The following BRME1 variants were observed in gnomAD, a reference collection of about 807,000 sequenced individuals.
BRME1 encodes BRCA2 and MEILB2-associating protein 1.
A neutral mutation model predicts 52.6 loss-of-function variants in BRME1; 31 were observed. That is an observed-to-expected ratio of 0.59 (90% CI 0.44 to 0.80). The LOEUF (loss-of-function observed/expected upper bound fraction) is 0.80, where lower values mean the gene tolerates loss of function less well. Ranked by LOEUF, BRME1 falls within the 30% of genes least tolerant of loss-of-function variation. The pLI, the probability that BRME1 is intolerant of heterozygous loss-of-function variation, is 0.00. For missense variants in BRME1, 804 were observed against 860.3 expected, an observed-to-expected ratio of 0.93 and a Z score of 0.82; for synonymous variants, 359 against 353.6, an observed-to-expected ratio of 1.02 and a Z score of -0.17.
rs533669161 is a variant in BRME1, at chr19:13,883,451, A to G, written c.1764-51T>C. On this transcript the variant is annotated intron_variant, in intron 7 of 8. Coordinates refer to ENST00000586783, the MANE Select transcript of BRME1 (RefSeq NM_001345843.2). The surrounding 1 kb of genome is among the most constrained non-coding windows in gnomAD (Gnocchi z 4.2). Reference sequence around the variant, plus strand: ...AGTGGCCCGACCTCACTGGACTACCAGAGCTCTCCAGTGGGAGGGGCTTCC... The same window carrying G: ...AGTGGCCCGACCTCACTGGACTACCGGAGCTCTCCAGTGGGAGGGGCTTCC... The G allele has an allele frequency of 1.3e-5, 18 of 1,349,008 alleles. No homozygotes were observed. The East Asian group carries it at 3.3e-4, about 25-fold the overall frequency. The allele number at this position is 1,349,008 out of a possible 1,614,324, so 83.6% of individuals were successfully genotyped here.
Position 13,889,753 on chromosome 19 carries a change from G to A in BRME1, c.1103C>T (p.Pro368Leu), listed in dbSNP as rs1418804555. 2 of 1,610,146 alleles carry A rather than the reference G, an allele frequency of 1.2e-6. No homozygotes were observed. The highest frequency in any genetic ancestry group is 4.5e-5 in the East Asian group (2 of 44,866). ...AGCGGCCTTCCTCCTGGGAGAGGCA[G>A]GTGATATGGCACTGGCCTGCCCATC... ...GPDGQASAISPASPRRKAADG... is the reference protein window; with the variant it reads ...GPDGQASAISLASPRRKAADG... The change falls in exon 6 of 9, where the codon CCT (proline) becomes CTT (leucine). Residue 368 changes from proline (P) to leucine (L), a missense_variant. Pro to Leu is a moderately conservative substitution (Grantham distance 98, BLOSUM62 -3). Around this residue, in one of 3 missense-constraint regions of BRME1, gnomAD observed 552 missense variants for 561.1 expected, o/e 0.98. Transcript: ENST00000586783.
chr19:13,889,600 A>C lies in BRME1; in HGVS notation c.1256T>G (p.Leu419Arg), dbSNP rs1234230330. ...CTCTCCGCTCCCAGGTGCCAGAGCCAGGGAGGCTGTAGGGCCCACTAGGAC... is the reference window on the plus strand; with the variant it reads ...CTCTCCGCTCCCAGGTGCCAGAGCCCGGGAGGCTGTAGGGCCCACTAGGAC... Reference protein sequence around the residue: ...GDVLVGPTASLALAPGSGESM... With the variant: ...GDVLVGPTASRALAPGSGESM... Residue 419 changes from leucine (L) to arginine (R), a missense_variant, in exon 6 of 9, where the codon CTG (leucine) becomes CGG (arginine). By Grantham distance (102) the Leu-to-Arg change is moderately radical (BLOSUM62 -2). Coordinates refer to ENST00000586783, the MANE Select transcript of BRME1 (RefSeq NM_001345843.2). 6.2e-7 allele frequency: 1 copy of C among 1,611,286 alleles called. No homozygotes were observed. Among genetic ancestry groups the C allele is most frequent in the East Asian group, 2.2e-5 (1 of 44,838 alleles).
chr19:13,892,649 A>G (rs949015485), intron 5 of BRME1, 137 bp downstream of exon 5: 14 of 647,926 alleles, frequency 2.2e-5, no homozygotes, highest in Non-Finnish European at 3.6e-5. Flanking sequence ...TCCATAGCGC[A>G]ATGTACTGAA....
chr19:13,887,236 C>T (rs1599320565), intron 6 of BRME1, among the ~76,000 whole-genome samples: 2 of 152,216 alleles, frequency 1.3e-5, no homozygotes, highest in Admixed American at 6.5e-5. Flanking sequence ...TTGGGAGACA[C>T]GGGCCTCGGC....
At position 13,882,418 on chromosome 19, in the gene BRME1, A is replaced by C. The variant is rs888130960; in HGVS notation, c.*384T>G. 4.6e-5 allele frequency: 19 copies of C among 409,692 alleles called. No individual in the cohort carries two copies. The highest frequency in any genetic ancestry group is 7.7e-5 in the Non-Finnish European group (18 of 232,882). 25.4% of individuals were successfully genotyped at this position (409,692 alleles called of 1,614,324 possible). A position where few individuals can be genotyped will look rare whatever the true frequency, so the allele number is the denominator to read the frequency against. ...AAATAAAATGGAAATGGGGAGAAAG[A>C]AAACAAAGGGAGCTCTCTTCTCCTC... On this transcript the variant is annotated 3_prime_UTR_variant, in exon 9 of 9. Coordinates refer to ENST00000586783, the MANE Select transcript of BRME1 (RefSeq NM_001345843.2).
chr19:13,889,769 C>T lies in BRME1; in HGVS notation c.1087G>A (p.Ala363Thr). 1 of 1,611,372 alleles carries T rather than the reference C, an allele frequency of 6.2e-7. No individual in the cohort carries two copies. The highest frequency in any genetic ancestry group is 1.1e-5 in the South Asian group (1 of 90,982). The change falls in exon 6 of 9, where the codon GCC becomes ACC. Residue 363 changes from alanine to threonine, a missense_variant. Physicochemically the swap from Ala to Thr is moderately conservative, Grantham distance 58. Transcript: ENST00000586783. ...GGAGAGGCAGGTGATATGGCACTGGCCTGCCCATCGGGCCCAGCCACCTCC... is the reference window on the plus strand; with the variant it reads ...GGAGAGGCAGGTGATATGGCACTGGTCTGCCCATCGGGCCCAGCCACCTCC... ...ALEVAGPDGQASAISPASPRR... is the reference protein window; with the variant it reads ...ALEVAGPDGQTSAISPASPRR...
At position 13,890,038 on chromosome 19, in the gene BRME1, C is replaced by T; in HGVS notation, c.818G>A (p.Gly273Glu). Residue 273 changes from glycine to glutamate, a missense_variant, in exon 6 of 9, where the codon GGA (glycine) becomes GAA (glutamate). Coordinates refer to ENST00000586783, the MANE Select transcript of BRME1 (RefSeq NM_001345843.2). Reference protein sequence around the residue: ...AGLPGGPQEEGDGVPCTPASA... With the variant: ...AGLPGGPQEEEDGVPCTPASA... ...TGCTGGGGTACAGGGGACACCGTCT[C>T]CCTCCTCCTGGGGCCCTCCAGGCAG... The T allele has an allele frequency of 6.2e-7, 1 of 1,613,436 alleles. No homozygotes were observed. The highest frequency in any genetic ancestry group is 8.5e-7 in the Non-Finnish European group (1 of 1,179,806).
Position 13,896,807 on chromosome 19 carries a change from C to G in BRME1, c.32-1261G>C, listed in dbSNP as rs1254559419. Among the ~76,000 whole-genome samples the G allele has an allele frequency of 3.3e-5, 5 of 151,742 alleles. No individual in the cohort carries two copies. In the Admixed American group the frequency reaches 3.3e-4, roughly 10 times the overall value. The stretch of plus-strand genomic sequence containing the variant: ...ATAGGCTCAAGCCATCCTCCCACCT[C>G]AGGCCACTCAAGTAGCTGGGACAAA... On this transcript the variant is annotated intron_variant, in intron 2 of 8. Transcript: ENST00000586783.
At chr19:13,887,602 C>T (rs1303096641) in intron 6 of BRME1, among the ~76,000 whole-genome samples, 1 of 152,210 alleles carries the variant, frequency 6.6e-6, no homozygotes, top group Non-Finnish European at 1.5e-5. Flanking sequence ...CCACCACTCA[C>T]GAGACCACAG....
intron 2 of BRME1, among the ~76,000 whole-genome samples, chr19:13,898,790 G>GCTCATGCCTGTAAT (rs1461107486): frequency 6.6e-6 from 1 of 151,450 alleles, no homozygotes; most frequent in African/African-American, 2.4e-5. Flanking sequence ...GGGCATGGTG[G>GCTCATGCCTGTAAT]CTCATGCCTG....
intron 2 of BRME1, among the ~76,000 whole-genome samples, chr19:13,896,041 G>A (rs1260176312): frequency 2.0e-5 from 3 of 152,140 alleles, no homozygotes; most frequent in African/African-American, 7.2e-5. Context: ...AGGCCGAGGC[G>A]GGTGGATCAC....
Position 13,898,188 on chromosome 19 carries a change from C to T in BRME1, c.32-2642G>A, listed in dbSNP as rs148208790. On this transcript the variant is annotated intron_variant, in intron 2 of 8. Transcript: ENST00000586783. ...CCCCAAGTTCCCAGAGAGGTGAAAA[C>T]GTTAAGGCACACAGAGGCCCAGGAA... 3.1e-3 allele frequency among the ~76,000 whole-genome samples: 468 copies of T among 152,236 alleles called. 4 individuals carry two copies. The highest frequency in any genetic ancestry group is 0.011 in the African/African-American group (448 of 41,558).
In BRME1 at chr19:13,897,870, TTTAAA is replaced by T. The variant is rs1970018595; in HGVS notation, c.32-2329_32-2325del. ...AACTAGAGCCTGTCTCAAAAAAACA[TTTAAA>T]TTAAACATTTAAATTAAAATAAATA... On this transcript the variant is annotated intron_variant, in intron 2 of 8. Coordinates refer to ENST00000586783, the MANE Select transcript of BRME1 (RefSeq NM_001345843.2). Among the ~76,000 whole-genome samples, 5 of 146,446 alleles carry T rather than the reference TTTAAA, an allele frequency of 3.4e-5. No individual in the cohort carries two copies. In the South Asian group the frequency reaches 8.7e-4, roughly 26 times the overall value.
chr19:13,883,379 G>A lies in BRME1; in HGVS notation c.1785C>T (p.Ala595=). ...CATCCTCCATCCTGGAGGCCTCAGA[G>A]GCCTGGATCCCCACGAAGGTCCTGG... ...AQPRTFVGIQ[A]SEASRMEDAT... is the part of the protein sequence containing the mutation. Residue 595 remains alanine (A), a synonymous_variant, in exon 8 of 9, where the codon GCC becomes GCT. Coordinates refer to ENST00000586783, the MANE Select transcript of BRME1 (RefSeq NM_001345843.2). The surrounding 1 kb of genome is among the most constrained non-coding windows in gnomAD (Gnocchi z 4.2). The A allele has an allele frequency of 6.5e-7, 1 of 1,534,856 alleles. No homozygotes were observed. Among genetic ancestry groups the A allele is most frequent in the Non-Finnish European group, 8.7e-7 (1 of 1,145,872 alleles).
At position 13,883,225 on chromosome 19, in the gene BRME1, C is replaced by T. The variant is rs897843167; in HGVS notation, c.1856+83G>A. ...ACCCTCGCTGCCCACCTAGGGGCTT[C>T]ACACTTCAGTCCCTCCCTGCTCCTC... is the stretch of plus-strand genomic sequence containing the variant. On this transcript the variant is annotated intron_variant, in intron 8 of 8. Transcript: ENST00000586783. This position sits in a 1 kb window ranked among gnomAD's most constrained non-coding sequence, Gnocchi z 4.2. 2.1e-5 allele frequency: 27 copies of T among 1,299,168 alleles called. No individual in the cohort carries two copies. The African/African-American group carries it at 3.6e-4, about 18-fold the overall frequency. The allele number at this position is 1,299,168 out of a possible 1,614,324, so 80.5% of individuals were successfully genotyped here. A position where few individuals can be genotyped will look rare whatever the true frequency, so the allele number is the denominator to read the frequency against.
At chr19:13,895,680 C>T in intron 2 of BRME1, 134 bp from the exon 3 acceptor site, 1 of 736,190 alleles carries the variant, frequency 1.4e-6, no homozygotes, top group East Asian at 2.5e-5. Context: ...CTGCGGGGTC[C>T]CAAGTGCCTG....
chr19:13,892,226 A>G (rs1433807711), intron 5 of BRME1, among the ~76,000 whole-genome samples: 1 of 152,152 alleles, frequency 6.6e-6, no homozygotes, highest in Non-Finnish European at 1.5e-5. Context: ...GCATGGTGTT[A>G]CCACTCGGTG....
rs773725583 is a variant in BRME1, at chr19:13,904,915, T to A, written c.-21-2A>T. 1.4e-5 allele frequency: 23 copies of A among 1,610,694 alleles called. No homozygotes were observed. The highest frequency in any genetic ancestry group is 1.8e-5 in the Non-Finnish European group (21 of 1,177,194). On this transcript the variant is annotated splice_acceptor_variant, in intron 1 of 8. Transcript: ENST00000586783. LOFTEE classifies it low-confidence loss of function (5UTR_SPLICE). The stretch of plus-strand genomic sequence containing the variant: ...CATTTTATCTTCCCCTTGAGAAATC[T>A]GAAAACAAGCAAAATCTCTCATCAT...
Position 13,900,782 on chromosome 19 carries a change from G to A in BRME1, c.31+4080C>T, listed in dbSNP as rs367879917. Among the ~76,000 whole-genome samples the A allele has an allele frequency of 1.0e-4, 15 of 150,746 alleles. No homozygotes were observed. In the East Asian group the frequency reaches 2.6e-3, roughly 26 times the overall value. ...GCTCTCCTGGGCTCAAGCGAGTCTC[G>A]TGTCTCAGCCTCCCAAGTAGCTGGG... On this transcript the variant is annotated intron_variant, in intron 2 of 8. Coordinates refer to ENST00000586783, the MANE Select transcript of BRME1 (RefSeq NM_001345843.2).
Sources: allele counts gnomAD v4.1 joint callset (sites outside exome capture counted in the v4.1 genomes callset), GRCh38; gene constraint gnomAD v4.1.1; regional missense constraint gnomAD v4.1.1; non-coding constraint Gnocchi (gnomAD v3.1); transcripts MANE v1.5; gene names NCBI Gene and HGNC (gene_info 2026-07-23, HGNC 2026-07-21).